The following NLGN1 variants were observed in gnomAD, a reference collection of about 807,000 sequenced individuals.
NLGN1 encodes neuroligin 1, also known as neuroligin-1.
Under a neutral mutation model 65.5 loss-of-function variants are expected in NLGN1, and 12 were observed. The ratio of observed to expected loss-of-function variants is 0.18; its 90% CI spans 0.12 to 0.30. NLGN1 has a LOEUF of 0.30. NLGN1 is among the 10% of genes least tolerant of loss of function. The probability of loss-of-function intolerance (pLI) is 1.00; values close to 1 mark genes in which losing one functional copy is unlikely to be tolerated. For missense variants in NLGN1, 750 were observed against 1,007.1 expected, an observed-to-expected ratio of 0.74 and a Z score of 3.46; for synonymous variants, 350 against 359.5, an observed-to-expected ratio of 0.97 and a Z score of 0.30.
chr3:174,200,147 C>T (rs1734168523), intron 4 of NLGN1, among the ~76,000 whole-genome samples: 1 of 152,198 alleles, frequency 6.6e-6, no homozygotes, highest in South Asian at 2.1e-4. Flanking sequence ...CATTTTATCA[C>T]TTTGGAAAAA....
intron 4 of NLGN1, among the ~76,000 whole-genome samples, chr3:173,860,140 T>A (rs1192613473): frequency 6.6e-6 from 1 of 152,050 alleles, no homozygotes; most frequent in African/African-American, 2.4e-5. Context: ...TGAAATTTAT[T>A]TTAAGAACCC....
intron 4 of NLGN1, among the ~76,000 whole-genome samples, chr3:173,828,251 A>T (rs577277070): frequency 6.6e-6 from 1 of 152,266 alleles, no homozygotes. Context: ...ACATTTATCA[A>T]ATTTGACCAT....
intron 2 of NLGN1, among the ~76,000 whole-genome samples, chr3:173,462,237 A>G (rs1334252412): frequency 1.3e-5 from 2 of 152,162 alleles, no homozygotes; most frequent in Non-Finnish European, 2.9e-5. Context: ...AGCAACACTG[A>G]TGTAAAGCTC....
chr3:174,078,852 T>TA (rs138615583), intron 4 of NLGN1, among the ~76,000 whole-genome samples: 28 of 152,304 alleles, frequency 1.8e-4, no homozygotes, highest in Non-Finnish European at 3.8e-4. Flanking sequence ...TTTTGCAACT[T>TA]ACTACTCTGG....
At chr3:173,942,109 G>GTGTGTGTGT (rs1553896554) in intron 4 of NLGN1, among the ~76,000 whole-genome samples, 5 of 144,142 alleles carry the variant, frequency 3.5e-5, no homozygotes, top group African/African-American at 1.3e-4. Context: ...GGTGGTTGGG[G>GTGTGTGTGT]GTGTGTGTGT....
At chr3:174,020,084 T>G (rs2152456666) in intron 4 of NLGN1, among the ~76,000 whole-genome samples, 1 of 152,262 alleles carries the variant, frequency 6.6e-6, no homozygotes, top group Admixed American at 6.5e-5. Context: ...TTTTGAAAAT[T>G]TTTTAAAAAG....
At chr3:173,754,431 C>T (rs1346653616) in intron 3 of NLGN1, among the ~76,000 whole-genome samples, 4 of 152,066 alleles carry the variant, frequency 2.6e-5, no homozygotes, top group South Asian at 4.1e-4. Flanking sequence ...CCCAATACTC[C>T]TCATTCTTCT....
At chr3:173,677,959 T>C (rs955338445) in intron 3 of NLGN1, among the ~76,000 whole-genome samples, 5 of 152,174 alleles carry the variant, frequency 3.3e-5, no homozygotes, top group African/African-American at 1.2e-4. Flanking sequence ...TCATATAATT[T>C]AATTTTCAGT....
At chr3:173,419,638 G>A (rs903302095) in intron 1 of NLGN1, among the ~76,000 whole-genome samples, 1 of 152,086 alleles carries the variant, frequency 6.6e-6, no homozygotes, top group Non-Finnish European at 1.5e-5. Context: ...ACTGTGCCTG[G>A]CTCTGTTGTC....
chr3:174,128,512 A>T (rs1312111420), intron 4 of NLGN1, among the ~76,000 whole-genome samples: 1 of 152,198 alleles, frequency 6.6e-6, no homozygotes, highest in African/African-American at 2.4e-5. Context: ...CCTCCATTTT[A>T]CTGCCTTTGA....
chr3:173,806,301 A>AT (rs1380369998), intron 3 of NLGN1, among the ~76,000 whole-genome samples: 1 of 152,080 alleles, frequency 6.6e-6, no homozygotes, highest in Non-Finnish European at 1.5e-5. Context: ...TACACATTCT[A>AT]TTTTTTTACA....
chr3:173,799,285 ATG>A (rs1351508116), intron 3 of NLGN1, among the ~76,000 whole-genome samples: 6 of 152,050 alleles, frequency 3.9e-5, no homozygotes, highest in African/African-American at 1.4e-4. Context: ...CAAAAAAAGA[ATG>A]TGAGACTTCA....
intron 3 of NLGN1, among the ~76,000 whole-genome samples, chr3:173,739,205 A>G (rs1323179410): frequency 2.6e-5 from 4 of 152,086 alleles, no homozygotes; most frequent in African/African-American, 9.7e-5. Flanking sequence ...AAAGTGGTCA[A>G]ATATTCCGCT....
chr3:173,777,483 C>A (rs1780470152), intron 3 of NLGN1, among the ~76,000 whole-genome samples: 1 of 151,898 alleles, frequency 6.6e-6, no homozygotes, highest in Non-Finnish European at 1.5e-5. Context: ...GCATATCCAT[C>A]ACCTCAAATA....
At chr3:173,909,318 A>G (rs1233603114) in intron 4 of NLGN1, among the ~76,000 whole-genome samples, 1 of 152,110 alleles carries the variant, frequency 6.6e-6, no homozygotes, top group African/African-American at 2.4e-5. Context: ...CTTTTTTATG[A>G]TAAATTTTCC....
intron 3 of NLGN1, among the ~76,000 whole-genome samples, chr3:173,661,759 G>A (rs4894450): frequency 0.028 from 4,260 of 151,882 alleles, 89 homozygotes; most frequent in Middle Eastern, 0.044. Context: ...GCATAATCTG[G>A]CATTTTGGGC....
chr3:173,689,877 CCTTA>C (rs2149817853), intron 3 of NLGN1, among the ~76,000 whole-genome samples: 1 of 152,130 alleles, frequency 6.6e-6, no homozygotes, highest in Non-Finnish European at 1.5e-5. Context: ...AGACATGATC[CCTTA>C]CTTCTATGGA....
intron 4 of NLGN1, among the ~76,000 whole-genome samples, chr3:174,243,179 A>G (rs916896628): frequency 1.3e-5 from 2 of 152,226 alleles, no homozygotes; most frequent in African/African-American, 2.4e-5. Context: ...GTTCACATAT[A>G]GACATTTCTA....
intron 2 of NLGN1, among the ~76,000 whole-genome samples, chr3:173,520,158 C>G (rs1045132353): frequency 1.8e-4 from 27 of 152,168 alleles, no homozygotes; most frequent in Non-Finnish European, 3.1e-4. Flanking sequence ...TTCCTGAAGC[C>G]TCCACAGAAG....
Sources: gnomAD v4.1 joint callset for allele counts (sites outside exome capture counted in the v4.1 genomes callset) on GRCh38, gnomAD v4.1.1 for gene constraint, MANE v1.5 for transcripts, NCBI Gene and HGNC (gene_info 2026-07-23, HGNC 2026-07-21) for gene names.